Variants in USH2A observed in about 807,000 individuals in gnomAD.
USH2A encodes the protein usherin, also known as Usher syndrome 2A (autosomal recessive, mild).
A neutral mutation model predicts 538.9 loss-of-function variants in USH2A; 443 were observed. That is an observed-to-expected ratio of 0.82 (90% CI 0.76 to 0.89). USH2A has a LOEUF of 0.89. Among genes scored for constraint, USH2A ranks in the 40% least tolerant of loss-of-function variants. USH2A has a pLI of 0.00. For synonymous variants in USH2A, 2,413 were observed against 2,273.5 expected (o/e 1.06, Z -1.75); for missense variants, 6,633 against 6,324.8 (o/e 1.05, Z -1.65).
At chr1:215,632,970 G>A (rs1404963302) in intron 70 of USH2A, among the ~76,000 whole-genome samples, 2 of 152,078 alleles carry the variant, frequency 1.3e-5, no homozygotes, top group Non-Finnish European at 2.9e-5. Context: ...TCTGGGTCCC[G>A]GGGCACATAC....
chr1:215,703,218 G>A (rs143718088), intron 61 of USH2A, among the ~76,000 whole-genome samples: 53 of 152,304 alleles, frequency 3.5e-4, no homozygotes, highest in African/African-American at 1.3e-3. Flanking sequence ...CCGGATGCCA[G>A]CTGGAGCTCT....
intron 11 of USH2A, among the ~76,000 whole-genome samples, chr1:216,272,700 T>C (rs1389375377): frequency 6.6e-6 from 1 of 151,910 alleles, no homozygotes; most frequent in Admixed American, 6.6e-5. Flanking sequence ...GGTGCTGGGG[T>C]GGGCAGAGGA....
At chr1:216,375,347 A>G (rs1017287468) in intron 3 of USH2A, among the ~76,000 whole-genome samples, 3 of 152,190 alleles carry the variant, frequency 2.0e-5, no homozygotes, top group African/African-American at 7.2e-5. Flanking sequence ...CAGTGATCTT[A>G]TCTAGATCTT....
intron 19 of USH2A, among the ~76,000 whole-genome samples, chr1:216,194,968 G>T (rs1367733566): frequency 1.3e-5 from 2 of 152,060 alleles, no homozygotes; most frequent in Admixed American, 1.3e-4. Context: ...ATGTTGCAAG[G>T]CACACATAGA....
chr1:215,862,063 C>T (rs12086224), intron 44 of USH2A, among the ~76,000 whole-genome samples: 11,020 of 152,062 alleles, frequency 0.072, 622 homozygotes, highest in African/African-American at 0.15. Context: ...TGGTCTCGAT[C>T]TCCTGACCTC....
chr1:216,393,259 C>A (rs960894117), intron 3 of USH2A, among the ~76,000 whole-genome samples: 1 of 152,146 alleles, frequency 6.6e-6, no homozygotes, highest in Admixed American at 6.5e-5. Context: ...AAAAACAATT[C>A]TCCTCCAGAT....
intron 58 of USH2A, among the ~76,000 whole-genome samples, chr1:215,757,983 T>C (rs933652645): frequency 3.9e-5 from 6 of 152,134 alleles, no homozygotes; most frequent in African/African-American, 2.4e-5. Flanking sequence ...ATGACTTGCA[T>C]TGGATATATA....
chr1:215,888,530 C>T lies in USH2A; in HGVS notation c.8119G>A (p.Gly2707Arg). 2 of 1,614,168 alleles carry T rather than the reference C, an allele frequency of 1.2e-6. No homozygotes were observed. Among genetic ancestry groups the T allele is most frequent in the South Asian group, 1.1e-5 (1 of 91,080 alleles). Residue 2707 changes from glycine (G) to arginine (R), a missense_variant, in exon 41 of 72, where the codon GGA becomes AGA. Coordinates refer to ENST00000307340, the MANE Select transcript of USH2A (RefSeq NM_206933.4). ...EYRVLMSTLH[G>R]GTNSSAWVEV... ...ACCCAAGCACTGCTGTTTGTGCCTCCATGAAGAGTGCTCATCAGTACCCGA... is the reference window on the plus strand; with the variant it reads ...ACCCAAGCACTGCTGTTTGTGCCTCTATGAAGAGTGCTCATCAGTACCCGA...
chr1:215,800,432 C>T (rs921559578), intron 49 of USH2A, among the ~76,000 whole-genome samples: 4 of 152,152 alleles, frequency 2.6e-5, no homozygotes, highest in Admixed American at 6.6e-5. Context: ...TCTGATGGGT[C>T]TTATGGCCTT....
intron 15 of USH2A, among the ~76,000 whole-genome samples, chr1:216,215,550 G>A (rs780502282): frequency 1.3e-5 from 2 of 151,962 alleles, no homozygotes; most frequent in Non-Finnish European, 2.9e-5. Context: ...CATCACTCTA[G>A]CTATGTTTTG....
At chr1:215,987,681 C>T (rs1667903003) in intron 35 of USH2A, among the ~76,000 whole-genome samples, 1 of 152,142 alleles carries the variant, frequency 6.6e-6, no homozygotes, top group South Asian at 2.1e-4. Flanking sequence ...AGCAAGTAAC[C>T]TTGTTTGTAA....
chr1:216,378,281 C>T (rs1232905754), intron 3 of USH2A, among the ~76,000 whole-genome samples: 1 of 152,112 alleles, frequency 6.6e-6, no homozygotes, highest in Admixed American at 6.5e-5. Context: ...CGCTCATTTT[C>T]TGTCACATAA....
At chr1:216,409,890 T>C (rs1035897853) in intron 3 of USH2A, among the ~76,000 whole-genome samples, 1 of 152,130 alleles carries the variant, frequency 6.6e-6, no homozygotes, top group Non-Finnish European at 1.5e-5. Context: ...AAAGAGCTTC[T>C]GCACAGCAAA....
chr1:215,969,081 A>G (rs1430516366), intron 36 of USH2A, among the ~76,000 whole-genome samples: 1 of 152,214 alleles, frequency 6.6e-6, no homozygotes, highest in Non-Finnish European at 1.5e-5. Flanking sequence ...AATATTTCAC[A>G]AACCAGTTGA....
chr1:216,190,429 T>C, intron 19 of USH2A, 62 bp from the exon 20 acceptor site: 2 of 1,582,388 alleles, frequency 1.3e-6, no homozygotes, highest in Non-Finnish European at 1.7e-6. Flanking sequence ...TGTGAAAATA[T>C]AACCTTGGCA....
chr1:215,637,689 A>C (rs1656538124), intron 69 of USH2A, among the ~76,000 whole-genome samples: 1 of 152,236 alleles, frequency 6.6e-6, no homozygotes. Flanking sequence ...GAAACATAGA[A>C]TAATACGTTA....
At chr1:215,656,766 A>T (rs1474680476) in intron 64 of USH2A, among the ~76,000 whole-genome samples, 3 of 152,216 alleles carry the variant, frequency 2.0e-5, no homozygotes, top group East Asian at 1.9e-4. Context: ...ATATTTGATT[A>T]AAAAAAGCAT....
intron 21 of USH2A, among the ~76,000 whole-genome samples, chr1:216,150,470 C>T (rs1288550185): frequency 6.6e-6 from 1 of 151,928 alleles, no homozygotes; most frequent in Non-Finnish European, 1.5e-5. Flanking sequence ...TCTAATCCCT[C>T]CTTAGCGAAC....
chr1:216,117,080 C>T (rs1298660642), intron 21 of USH2A, among the ~76,000 whole-genome samples: 1 of 152,070 alleles, frequency 6.6e-6, no homozygotes, highest in East Asian at 1.9e-4. Flanking sequence ...AGGAGTAGGG[C>T]AAGAAGTCTG....
Sources: allele counts gnomAD v4.1 joint callset (sites outside exome capture counted in the v4.1 genomes callset), GRCh38; gene constraint gnomAD v4.1.1; transcripts MANE v1.5; gene names NCBI Gene and HGNC (gene_info 2026-07-23, HGNC 2026-07-21).